PDE1A: variants seen among roughly 807,000 people sequenced by gnomAD.
PDE1A encodes phosphodiesterase 1A.
PDE1A carries 35 observed loss-of-function variants against 61.7 expected under a neutral mutation model. The ratio of observed to expected loss-of-function variants is 0.57; its 90% CI spans 0.43 to 0.75. The LOEUF (loss-of-function observed/expected upper bound fraction) is 0.75, where lower values mean the gene tolerates loss of function less well. Ranked by LOEUF, PDE1A falls within the 30% of genes least tolerant of loss-of-function variation. PDE1A has a pLI of 0.00. For synonymous variants in PDE1A, 232 were observed against 213.2 expected, an observed-to-expected ratio of 1.09 and a Z score of -0.77; for missense variants, 597 against 630.6, an observed-to-expected ratio of 0.95 and a Z score of 0.57.
intron 1 of PDE1A, among the ~76,000 whole-genome samples, chr2:182,274,064 C>T (rs1465341321): frequency 6.6e-6 from 1 of 152,040 alleles, no homozygotes; most frequent in Non-Finnish European, 1.5e-5. Context: ...TGTAACCTCA[C>T]ATGGTAGAAG....
chr2:182,421,800 T>C (rs1703293122), intron 1 of PDE1A, among the ~76,000 whole-genome samples: 1 of 152,228 alleles, frequency 6.6e-6, no homozygotes, highest in Non-Finnish European at 1.5e-5. Context: ...TGTTTTCCTT[T>C]GATCTTGGTA....
At chr2:182,205,995 G>A (rs148932765) in exon 8 of PDE1A, 1 of 1,611,264 alleles carries the variant, frequency 6.2e-7, no homozygotes, top group African/African-American at 1.3e-5. Context: ...TCTTGCATAA[G>A]TCGATAAGCT....
intron 1 of PDE1A, among the ~76,000 whole-genome samples, chr2:182,321,414 T>C (rs1696682519): frequency 6.6e-6 from 1 of 152,216 alleles, no homozygotes; most frequent in African/African-American, 2.4e-5. Context: ...AATCAACATG[T>C]AGCTATGAAA....
the PDE1A span, among the ~76,000 whole-genome samples, chr2:182,556,167 C>A: frequency 6.6e-6 from 1 of 151,850 alleles, no homozygotes; most frequent in East Asian, 1.9e-4. Flanking sequence ...TCAGAACTGA[C>A]CATATTGAAA....
chr2:182,429,972 A>G (rs973531086), upstream of PDE1A, among the ~76,000 whole-genome samples: 1 of 152,210 alleles, frequency 6.6e-6, no homozygotes, highest in Non-Finnish European at 1.5e-5. Flanking sequence ...TTTTTGTTAA[A>G]CAACATTTAA....
At chr2:182,533,105 A>G in the PDE1A span, among the ~76,000 whole-genome samples, 2 of 152,166 alleles carry the variant, frequency 1.3e-5, no homozygotes, top group Admixed American at 1.3e-4. Flanking sequence ...TGAGGTCAAG[A>G]GTTGGAGACA....
chr2:182,383,162 ACTGT>A (rs1700830830), intron 1 of PDE1A, among the ~76,000 whole-genome samples: 1 of 152,022 alleles, frequency 6.6e-6, no homozygotes, highest in Admixed American at 6.6e-5. Context: ...CCTATTCCTC[ACTGT>A]CTGTGCTCTC....
At chr2:182,374,029 T>G (rs1700260991) in intron 1 of PDE1A, among the ~76,000 whole-genome samples, 2 of 152,136 alleles carry the variant, frequency 1.3e-5, no homozygotes, top group East Asian at 1.9e-4. Flanking sequence ...TCAATAAATT[T>G]TTACCAAGTA....
At chr2:182,613,284 G>A in the PDE1A span, among the ~76,000 whole-genome samples, 20 of 152,068 alleles carry the variant, frequency 1.3e-4, no homozygotes, top group Non-Finnish European at 2.6e-4. Context: ...ATAGGGGGCC[G>A]GGCACGGTGG....
intron 10 of PDE1A, among the ~76,000 whole-genome samples, chr2:182,192,458 A>G (rs1371907888): frequency 6.6e-6 from 1 of 152,114 alleles, no homozygotes; most frequent in East Asian, 1.9e-4. Context: ...TAGGTAAACT[A>G]TGAAGGAACT....
the PDE1A span, among the ~76,000 whole-genome samples, chr2:182,715,119 AGTGT>A: frequency 6.6e-6 from 1 of 152,156 alleles, no homozygotes; most frequent in South Asian, 2.1e-4. Context: ...ATTTTGTTAC[AGTGT>A]GTAACAAAAT....
At chr2:182,306,894 G>C (rs974042723) in intron 1 of PDE1A, among the ~76,000 whole-genome samples, 2 of 152,214 alleles carry the variant, frequency 1.3e-5, no homozygotes, top group Admixed American at 6.5e-5. Flanking sequence ...TCTGGGTATT[G>C]ATTTTTTAGA....
At chr2:182,253,751 C>T (rs1327433631) in intron 2 of PDE1A, among the ~76,000 whole-genome samples, 1 of 151,930 alleles carries the variant, frequency 6.6e-6, no homozygotes, top group Non-Finnish European at 1.5e-5. Context: ...GCTCTGTTGG[C>T]TAGGAAAAAA....
At chr2:182,622,067 G>C in the PDE1A span, among the ~76,000 whole-genome samples, 1 of 152,170 alleles carries the variant, frequency 6.6e-6, no homozygotes, top group African/African-American at 2.4e-5. Context: ...TGCCATCTTA[G>C]AGAGGAATTG....
chr2:182,494,304 A>G (rs1217327901), intron 2 of PDE1A, among the ~76,000 whole-genome samples: 4 of 134,282 alleles, frequency 3.0e-5, no homozygotes, highest in Admixed American at 2.8e-4. Context: ...TCTACAAAAA[A>G]AAAAGAAAAG....
chr2:182,524,717 C>T (rs1690745789), upstream of PDE1A, among the ~76,000 whole-genome samples: 1 of 152,002 alleles, frequency 6.6e-6, no homozygotes, highest in Non-Finnish European at 1.5e-5. Context: ...GAATTCAAAT[C>T]ATTTTTCTTT....
chr2:182,616,235 T>C, the PDE1A span, among the ~76,000 whole-genome samples: 1 of 152,210 alleles, frequency 6.6e-6, no homozygotes, highest in Non-Finnish European at 1.5e-5. Flanking sequence ...TTGGAGCCTA[T>C]GGCAAAAGTT....
At chr2:182,195,334 A>G (rs945467987) in intron 10 of PDE1A, among the ~76,000 whole-genome samples, 5 of 151,962 alleles carry the variant, frequency 3.3e-5, no homozygotes, top group African/African-American at 1.2e-4. Context: ...GCTCCTCACA[A>G]TCATCCTGGG....
chr2:182,431,054 T>A (rs1703919958), upstream of PDE1A, among the ~76,000 whole-genome samples: 1 of 134,468 alleles, frequency 7.4e-6, no homozygotes, highest in Admixed American at 7.8e-5. Flanking sequence ...CATGTATACA[T>A]ATGTAACTAA....
Sources: gnomAD v4.1 joint callset for allele counts (sites outside exome capture counted in the v4.1 genomes callset) on GRCh38, gnomAD v4.1.1 for gene constraint, MANE v1.5 for transcripts, NCBI Gene and HGNC (gene_info 2026-07-23, HGNC 2026-07-21) for gene names.